NFIB: variants seen among roughly 807,000 people sequenced by gnomAD.
NFIB encodes the protein nuclear factor 1 B-type.
NFIB carries 11 observed loss-of-function variants against 61.5 expected under a neutral mutation model. The ratio of observed to expected loss-of-function variants is 0.18; its 90% CI spans 0.11 to 0.30. The LOEUF (loss-of-function observed/expected upper bound fraction) is 0.30. Among genes scored for constraint, NFIB ranks in the 10% least tolerant of loss-of-function variants. NFIB has a pLI of 1.00. For missense variants in NFIB, 471 were observed against 608.9 expected, an observed-to-expected ratio of 0.77 and a Z score of 2.38; for synonymous variants, 260 against 216.5, an observed-to-expected ratio of 1.20 and a Z score of -1.76.
chr9:14,190,521 A>T (rs1277627685), intron 2 of NFIB, among the ~76,000 whole-genome samples: 1 of 152,200 alleles, frequency 6.6e-6, no homozygotes, highest in African/African-American at 2.4e-5. Context: ...TAAGTGGTTC[A>T]AAGAACTTCT....
intron 1 of NFIB, among the ~76,000 whole-genome samples, chr9:14,323,997 C>A (rs1588311385): frequency 6.6e-6 from 1 of 152,126 alleles, no homozygotes; most frequent in Non-Finnish European, 1.5e-5. Context: ...TTTAACAGTT[C>A]CCAATTTCTC....
upstream of NFIB, among the ~76,000 whole-genome samples, chr9:14,315,848 C>A (rs1215096809): frequency 6.6e-6 from 1 of 151,826 alleles, no homozygotes; most frequent in Non-Finnish European, 1.5e-5. Context: ...AAGTGAGCGC[C>A]TGGGGCTCCG....
At chr9:14,364,373 G>A (rs892211139) in intron 1 of NFIB, among the ~76,000 whole-genome samples, 12 of 152,184 alleles carry the variant, frequency 7.9e-5, no homozygotes, top group African/African-American at 2.7e-4. Context: ...CCTGCTCTGG[G>A]TGAGCCAACT....
chr9:14,270,387 CA>C (rs1262847419), intron 2 of NFIB, among the ~76,000 whole-genome samples: 1 of 151,934 alleles, frequency 6.6e-6, no homozygotes. Flanking sequence ...CCCAGAAAGG[CA>C]ATCTGTGCAC....
At chr9:14,242,991 A>C (rs1237578411) in intron 2 of NFIB, among the ~76,000 whole-genome samples, 1 of 152,230 alleles carries the variant, frequency 6.6e-6, no homozygotes, top group East Asian at 1.9e-4. Flanking sequence ...GGTTTACCAA[A>C]TCTAAACACA....
chr9:14,433,942 C>T, the NFIB span, among the ~76,000 whole-genome samples: 1 of 152,176 alleles, frequency 6.6e-6, no homozygotes, highest in South Asian at 2.1e-4. Flanking sequence ...TCCCCTCCTG[C>T]CGTGACTCGG....
chr9:14,100,076 T>TA (rs1196737577), intron 10 of NFIB, among the ~76,000 whole-genome samples: 3 of 151,452 alleles, frequency 2.0e-5, no homozygotes, highest in Middle Eastern at 3.4e-3. Context: ...ATCTAAAAAA[T>TA]AAAAAACAAA....
chr9:14,196,688 T>TAAAAAA (rs35353437), intron 2 of NFIB, among the ~76,000 whole-genome samples: 2 of 140,410 alleles, frequency 1.4e-5, no homozygotes, highest in Non-Finnish European at 1.5e-5. Context: ...TATTCTAACT[T>TAAAAAA]AAAAAAAAAA....
chr9:14,111,315 G>A lies in NFIB; in HGVS notation c.1467+1684C>T, dbSNP rs190856473. 5.7e-3 allele frequency among the ~76,000 whole-genome samples: 873 copies of A among 152,156 alleles called. 8 individuals carry two copies. The highest frequency in any genetic ancestry group is 0.02 in the African/African-American group (822 of 41,530). Reference sequence around the variant, plus strand: ...ATGAGGCTTCGACATTTATCATAAGGGATAAGAAAATTAAAGCTGCCATAG... The same window carrying A: ...ATGAGGCTTCGACATTTATCATAAGAGATAAGAAAATTAAAGCTGCCATAG... On this transcript the variant is annotated intron_variant, in intron 10 of 10. Transcript: ENST00000380953.
At chr9:14,427,952 T>TGTTG in the NFIB span, among the ~76,000 whole-genome samples, 1 of 113,812 alleles carries the variant, frequency 8.8e-6, no homozygotes, top group African/African-American at 3.2e-5. Flanking sequence ...TTTTTTTTTT[T>TGTTG]TTTTTTTTTT....
At chr9:14,209,401 T>C (rs1199106479) in intron 2 of NFIB, among the ~76,000 whole-genome samples, 1 of 152,216 alleles carries the variant, frequency 6.6e-6, no homozygotes. Flanking sequence ...GTGGCTTTAA[T>C]TGTGCATACA....
the NFIB span, among the ~76,000 whole-genome samples, chr9:14,497,331 A>G: frequency 2.6e-5 from 4 of 152,196 alleles, no homozygotes; most frequent in Middle Eastern, 3.2e-3. Context: ...TGTGTAAATA[A>G]AAGTTATTAC....
At chr9:14,384,850 G>A (rs1588403874) in intron 1 of NFIB, among the ~76,000 whole-genome samples, 1 of 151,916 alleles carries the variant, frequency 6.6e-6, no homozygotes, top group Non-Finnish European at 1.5e-5. Context: ...ACTACACCTT[G>A]CATCCAAGAT....
the NFIB span, among the ~76,000 whole-genome samples, chr9:14,516,950 T>G: frequency 6.6e-6 from 1 of 152,188 alleles, no homozygotes; most frequent in East Asian, 1.9e-4. Context: ...GCACAAAACA[T>G]GATAGAGTAG....
chr9:14,167,089 G>T lies in NFIB; in HGVS notation c.617-11196C>A, dbSNP rs972894177. 2.0e-5 allele frequency among the ~76,000 whole-genome samples: 3 copies of T among 149,544 alleles called. 1 individual carries two copies. Among genetic ancestry groups the T allele is most frequent in the Admixed American group, 6.7e-5 (1 of 14,988 alleles). On this transcript the variant is annotated intron_variant, in intron 3 of 10. Transcript: ENST00000380953. ...TATTGTTGTGTGTGTGTGTCGGGGG[G>T]GGGGGGTTCCCCTTTTTAACATATT... is the stretch of plus-strand genomic sequence containing the variant.
chr9:14,524,686 T>C, the NFIB span, among the ~76,000 whole-genome samples: 2 of 152,232 alleles, frequency 1.3e-5, no homozygotes, highest in East Asian at 3.8e-4. Context: ...TGCATTGTTA[T>C]CTGAAGGATT....
rs77363839 is a variant in NFIB, at chr9:14,283,457, G to A, written c.562+23532C>T. On this transcript the variant is annotated intron_variant, in intron 2 of 10. Coordinates refer to ENST00000380953, the MANE Select transcript of NFIB (RefSeq NM_001190737.2). ...TGTTTTAACTGCCACATTCCATCCT[G>A]GACCTAATAGTTTCTGTGTAACTAA... is the stretch of plus-strand genomic sequence containing the variant. 4.3e-3 allele frequency among the ~76,000 whole-genome samples: 661 copies of A among 152,270 alleles called. 5 individuals carry two copies. Among genetic ancestry groups the A allele is most frequent in the African/African-American group, 0.015 (621 of 41,556 alleles).
chr9:14,457,736 C>T, the NFIB span, among the ~76,000 whole-genome samples: 45 of 152,258 alleles, frequency 3.0e-4, no homozygotes, highest in African/African-American at 1.1e-3. Context: ...ATACTATAAA[C>T]ACCTCTATGC....
chr9:14,450,624 T>C, the NFIB span, among the ~76,000 whole-genome samples: 6 of 152,284 alleles, frequency 3.9e-5, no homozygotes, highest in African/African-American at 1.2e-4. Flanking sequence ...AGAGACTCCC[T>C]TTAAATCAGA....
Sources: gnomAD v4.1 joint callset for allele counts (sites outside exome capture counted in the v4.1 genomes callset) on GRCh38, gnomAD v4.1.1 for gene constraint, MANE v1.5 for transcripts, NCBI Gene and HGNC (gene_info 2026-07-23, HGNC 2026-07-21) for gene names.